The following ZNF407 variants were observed in gnomAD, a reference collection of about 807,000 sequenced individuals.
ZNF407 encodes the protein zinc finger protein 407.
A neutral mutation model predicts 131.2 loss-of-function variants in ZNF407; 17 were observed. The observed-to-expected ratio is 0.13, with a 90% CI of 0.09 to 0.19. The LOEUF is 0.19. Among genes scored for constraint, ZNF407 ranks in the 10% least tolerant of loss-of-function variants. The pLI, the probability that ZNF407 is intolerant of heterozygous loss-of-function variation, is 1.00. For missense variants in ZNF407, 2,681 were observed against 2,830.6 expected, an observed-to-expected ratio of 0.95 and a Z score of 1.20; for synonymous variants, 1,156 against 1,062.0, an observed-to-expected ratio of 1.09 and a Z score of -1.72.
intron 3 of ZNF407, among the ~76,000 whole-genome samples, chr18:74,750,415 G>A (rs747851660): frequency 5.9e-5 from 9 of 152,112 alleles, no homozygotes; most frequent in African/African-American, 2.2e-4. Flanking sequence ...TAAATCATCA[G>A]CTTTTCTTTT....
At chr18:74,607,619 G>A (rs909993788) in intron 1 of ZNF407, among the ~76,000 whole-genome samples, 2 of 152,154 alleles carry the variant, frequency 1.3e-5, no homozygotes, top group Admixed American at 1.3e-4. Flanking sequence ...TCTTAGCAAC[G>A]TTTTCTGTGA....
intron 4 of ZNF407, among the ~76,000 whole-genome samples, chr18:74,830,049 T>C (rs1476008180): frequency 6.6e-6 from 1 of 152,082 alleles, no homozygotes; most frequent in East Asian, 1.9e-4. Flanking sequence ...CCATAGGGAA[T>C]GAGAACAGAG....
chr18:74,666,214 A>C (rs1198678645), intron 3 of ZNF407, among the ~76,000 whole-genome samples: 1 of 152,162 alleles, frequency 6.6e-6, no homozygotes, highest in Non-Finnish European at 1.5e-5. Context: ...ATTGGCTACC[A>C]TCAGCTTGCA....
chr18:74,761,329 A>T (rs1373427201), intron 3 of ZNF407, among the ~76,000 whole-genome samples: 1 of 152,012 alleles, frequency 6.6e-6, no homozygotes, highest in African/African-American at 2.4e-5. Flanking sequence ...TTAGCACTAA[A>T]ATATTTCTTA....
At chr18:74,983,666 T>A (rs1972619460) in intron 8 of ZNF407, among the ~76,000 whole-genome samples, 1 of 152,152 alleles carries the variant, frequency 6.6e-6, no homozygotes, top group South Asian at 2.1e-4. Context: ...AACATAGCAA[T>A]TAGAAGGAAA....
chr18:74,659,386 A>T (rs942131185), intron 3 of ZNF407, among the ~76,000 whole-genome samples: 14 of 152,180 alleles, frequency 9.2e-5, no homozygotes, highest in African/African-American at 3.4e-4. Flanking sequence ...TATGAGGTAA[A>T]AAAGATACAT....
At chr18:75,015,165 G>C (rs1485158334) in intron 8 of ZNF407, among the ~76,000 whole-genome samples, 2 of 152,068 alleles carry the variant, frequency 1.3e-5, no homozygotes, top group Non-Finnish European at 2.9e-5. Flanking sequence ...CTGAAGAAAT[G>C]CTGAAGAATA....
chr18:75,005,927 G>T (rs1352886551), intron 8 of ZNF407, among the ~76,000 whole-genome samples: 3 of 152,116 alleles, frequency 2.0e-5, no homozygotes, highest in African/African-American at 7.2e-5. Flanking sequence ...TGAACAGCGG[G>T]TCTATGGGAG....
intron 6 of ZNF407, among the ~76,000 whole-genome samples, chr18:74,887,144 A>C (rs536592635): frequency 3.9e-5 from 6 of 152,316 alleles, no homozygotes; most frequent in African/African-American, 1.2e-4. Flanking sequence ...ATTCTGTGTC[A>C]AATTTGAATA....
At chr18:75,056,642 A>G (rs1386851015) in intron 8 of ZNF407, among the ~76,000 whole-genome samples, 1 of 152,260 alleles carries the variant, frequency 6.6e-6, no homozygotes. Flanking sequence ...ACCAGAGTCC[A>G]GTGGGAGCTC....
At chr18:74,606,116 G>A (rs1021736168) in intron 1 of ZNF407, among the ~76,000 whole-genome samples, 2 of 152,196 alleles carry the variant, frequency 1.3e-5, no homozygotes, top group Non-Finnish European at 2.9e-5. Flanking sequence ...GACATGAAGA[G>A]CTTTTCCAGA....
intron 4 of ZNF407, among the ~76,000 whole-genome samples, chr18:74,820,112 T>C (rs1568229603): frequency 6.6e-6 from 1 of 152,152 alleles, no homozygotes; most frequent in Non-Finnish European, 1.5e-5. Flanking sequence ...TTTGTGCAAG[T>C]GTGAATAGAA....
chr18:74,963,448 C>A (rs933228243), intron 8 of ZNF407, among the ~76,000 whole-genome samples: 1 of 152,168 alleles, frequency 6.6e-6, no homozygotes. Context: ...GTAATCCTTA[C>A]GCCCTTGTTA....
chr18:74,908,539 A>G (rs147386278), intron 7 of ZNF407, among the ~76,000 whole-genome samples: 59 of 152,236 alleles, frequency 3.9e-4, no homozygotes, highest in African/African-American at 1.3e-3. Context: ...GTGGTCCAGC[A>G]CTCCAAATGA....
intron 3 of ZNF407, among the ~76,000 whole-genome samples, chr18:74,772,604 T>C (rs1969384999): frequency 6.6e-6 from 1 of 152,220 alleles, no homozygotes; most frequent in African/African-American, 2.4e-5. Flanking sequence ...TAGCTTTTTA[T>C]CTTTTATTTC....
chr18:74,954,260 G>C (rs1972250719), intron 8 of ZNF407, among the ~76,000 whole-genome samples: 1 of 152,196 alleles, frequency 6.6e-6, no homozygotes, highest in Non-Finnish European at 1.5e-5. Flanking sequence ...GGGAGAAACA[G>C]ACAAAATGTT....
intron 4 of ZNF407, among the ~76,000 whole-genome samples, chr18:74,782,446 C>G (rs979900753): frequency 2.0e-5 from 3 of 152,084 alleles, no homozygotes; most frequent in African/African-American, 7.2e-5. Context: ...ATATTGTTTT[C>G]TTTAGTATTG....
chr18:74,602,245 A>G lies in ZNF407; in HGVS notation c.-54+4308A>G, dbSNP rs925284854. 4.6e-5 allele frequency among the ~76,000 whole-genome samples: 7 copies of G among 152,348 alleles called. 1 individual carries two copies. The Middle Eastern group carries it at 0.014, about 296-fold the overall frequency. ...GAATTACAGCCTCCCTAAATAAAGT[A>G]AAATCTAGAACTTCTAGAATTGAGC... On this transcript the variant is annotated intron_variant, in intron 1 of 8. Transcript: ENST00000299687.
chr18:74,668,075 C>T lies in ZNF407; in HGVS notation c.4802+26953C>T, dbSNP rs533165097. Among the ~76,000 whole-genome samples the T allele has an allele frequency of 1.1e-4, 16 of 152,122 alleles. No individual in the cohort carries two copies. In the East Asian group the frequency reaches 1.2e-3, roughly 11 times the overall value. ...TCCGTATGGGTAGAGCATCCCTAAC[C>T]CAAGAACCTGAAGTCCGAAATGCTC... On this transcript the variant is annotated intron_variant, in intron 3 of 8. Coordinates refer to ENST00000299687, the MANE Select transcript of ZNF407 (RefSeq NM_017757.3).
Sources: gnomAD v4.1 joint callset for allele counts (sites outside exome capture counted in the v4.1 genomes callset) on GRCh38, gnomAD v4.1.1 for gene constraint, MANE v1.5 for transcripts, NCBI Gene and HGNC (gene_info 2026-07-23, HGNC 2026-07-21) for gene names.